PLA2G6: variants seen among roughly 807,000 people sequenced by gnomAD.
The protein encoded by PLA2G6 is phospholipase A2 group VI.
PLA2G6 carries 62 observed loss-of-function variants against 83.8 expected under a neutral mutation model. The observed-to-expected ratio is 0.74, with a 90% CI of 0.60 to 0.91. The LOEUF (loss-of-function observed/expected upper bound fraction) is 0.91, where lower values mean the gene tolerates loss of function less well. Among genes scored for constraint, PLA2G6 ranks in the 40% least tolerant of loss-of-function variants. The probability of loss-of-function intolerance (pLI) is 0.00; values close to 1 mark genes in which losing one functional copy is unlikely to be tolerated. For missense variants in PLA2G6, 944 were observed against 1,102.0 expected (o/e 0.86, Z 2.03); for synonymous variants, 417 against 449.8 (o/e 0.93, Z 0.92).
intron 12 of PLA2G6, among the ~76,000 whole-genome samples, chr22:38,117,755 T>C (rs1223577434): frequency 6.6e-6 from 1 of 151,768 alleles, no homozygotes; most frequent in Non-Finnish European, 1.5e-5. Context: ...AAGCCAGTCA[T>C]GGCCGGGCAC....
chr22:38,160,954 G>A (rs892739982), intron 2 of PLA2G6, among the ~76,000 whole-genome samples: 2 of 152,126 alleles, frequency 1.3e-5, no homozygotes, highest in African/African-American at 2.4e-5. Flanking sequence ...CTCTAGATTC[G>A]AGTGGTGGTT....
At chr22:38,117,108 A>AAGTC (rs71806630) in intron 12 of PLA2G6, among the ~76,000 whole-genome samples, 50,162 of 151,622 alleles carry the variant, frequency 0.33, 8,699 homozygotes, top group South Asian at 0.43. Context: ...ATTCAAAATA[A>AAGTC]ACTATTATAC....
chr22:38,145,880 C>G (rs894656142), intron 2 of PLA2G6: 2 of 547,980 alleles, frequency 3.6e-6, no homozygotes, highest in South Asian at 3.9e-5. Flanking sequence ...GTTAGACTTT[C>G]TTTGTTTTTT....
intron 1 of PLA2G6, among the ~76,000 whole-genome samples, chr22:38,171,168 G>A (rs1260664191): frequency 1.0e-4 from 12 of 117,882 alleles, no homozygotes; most frequent in African/African-American, 2.7e-4. Context: ...GCGAAACTCC[G>A]TCTCAAAAAA....
At chr22:38,162,698 G>A (rs951655445) in intron 2 of PLA2G6, among the ~76,000 whole-genome samples, 3 of 152,118 alleles carry the variant, frequency 2.0e-5, no homozygotes, top group Non-Finnish European at 4.4e-5. Context: ...CCCCAGGCTC[G>A]TAGATACCTA....
chr22:38,124,124 C>T (rs1454276633), intron 10 of PLA2G6, among the ~76,000 whole-genome samples: 3 of 151,988 alleles, frequency 2.0e-5, no homozygotes, highest in Non-Finnish European at 4.4e-5. Flanking sequence ...CACGAGCCAC[C>T]GTGCCCAGCC....
chr22:38,159,950 C>A (rs1371359189), intron 2 of PLA2G6, among the ~76,000 whole-genome samples: 1 of 152,136 alleles, frequency 6.6e-6, no homozygotes, highest in Non-Finnish European at 1.5e-5. Flanking sequence ...AGGCAAAACA[C>A]CGTGTGTGCA....
chr22:38,115,065 C>G (rs564249308), intron 14 of PLA2G6, among the ~76,000 whole-genome samples: 1 of 152,374 alleles, frequency 6.6e-6, no homozygotes, highest in African/African-American at 2.4e-5. Flanking sequence ...CTGCACTGCT[C>G]TGTCCCCAAG....
chr22:38,162,488 T>C (rs983682644), intron 2 of PLA2G6, among the ~76,000 whole-genome samples: 3 of 151,862 alleles, frequency 2.0e-5, no homozygotes, highest in Non-Finnish European at 2.9e-5. Context: ...AAGCACTGTG[T>C]GGGTGGAGGA....
At chr22:38,138,632 A>T (rs997052790) in intron 5 of PLA2G6, 2 of 152,178 alleles carry the variant, frequency 1.3e-5, no homozygotes, top group African/African-American at 4.8e-5. Context: ...CGAAGGACTC[A>T]TTGGCTCATT....
intron 1 of PLA2G6, among the ~76,000 whole-genome samples, chr22:38,173,363 A>C (rs1296107530): frequency 6.6e-6 from 1 of 151,788 alleles, no homozygotes; most frequent in Non-Finnish European, 1.5e-5. Context: ...CAGGATGCCC[A>C]GGTCACCTGA....
chr22:38,127,065 C>T, intron 9 of PLA2G6: 1 of 1,097,634 alleles, frequency 9.1e-7, no homozygotes, highest in Non-Finnish European at 1.1e-6. Context: ...GCCTGACGTC[C>T]ACCCAACTGA....
Position 38,174,192 on chromosome 22 carries a change from T to G in PLA2G6, c.-45-4721A>C, listed in dbSNP as rs375961811. The stretch of plus-strand genomic sequence containing the variant: ...CGGGCGGATCACGAAATCAGGAGAT[T>G]GAGACCATCCTGGCTAACATGGTGA... On this transcript the variant is annotated intron_variant, in intron 1 of 16. Transcript: ENST00000332509. Among the ~76,000 whole-genome samples, 490 of 151,998 alleles carry G rather than the reference T, an allele frequency of 3.2e-3. 1 individual carries two copies. Among genetic ancestry groups the G allele is most frequent in the African/African-American group, 0.011 (470 of 41,462 alleles).
intron 10 of PLA2G6, chr22:38,125,640 C>G (rs373281743): frequency 5.7e-4 from 267 of 469,760 alleles, no homozygotes; most frequent in Middle Eastern, 4.6e-3. Context: ...GACACTCACT[C>G]CGTGTGACCT....
At chr22:38,117,573 C>G (rs963729698) in intron 12 of PLA2G6, among the ~76,000 whole-genome samples, 1 of 152,130 alleles carries the variant, frequency 6.6e-6, no homozygotes. Flanking sequence ...AGAGAGTAGG[C>G]CTCAAACAGG....
At chr22:38,116,716 T>C (rs978531792) in intron 12 of PLA2G6, among the ~76,000 whole-genome samples, 3 of 151,882 alleles carry the variant, frequency 2.0e-5, no homozygotes, top group African/African-American at 7.3e-5. Flanking sequence ...TTAGGTGTGG[T>C]TGCGCATGCC....
At chr22:38,137,490 G>A (rs1281028091) in intron 5 of PLA2G6, 1 of 152,240 alleles carries the variant, frequency 6.6e-6, no homozygotes, top group East Asian at 1.9e-4. Flanking sequence ...AACCATCTGA[G>A]AACCGCAGGC....
chr22:38,129,025 G>A (rs575302762), intron 8 of PLA2G6, among the ~76,000 whole-genome samples: 19 of 152,258 alleles, frequency 1.2e-4, no homozygotes, highest in African/African-American at 4.6e-4. Context: ...CACTGTGCGA[G>A]CGTGCAGCAC....
chr22:38,140,336 C>T, intron 4 of PLA2G6, 167 bp from the exon 5 acceptor site: 2 of 648,962 alleles, frequency 3.1e-6, no homozygotes, highest in South Asian at 1.6e-5. Context: ...GGTGAAATGT[C>T]GTCTCTTCTA....
Sources: gnomAD v4.1 joint callset for allele counts (sites outside exome capture counted in the v4.1 genomes callset) on GRCh38, gnomAD v4.1.1 for gene constraint, MANE v1.5 for transcripts, NCBI Gene and HGNC (gene_info 2026-07-23, HGNC 2026-07-21) for gene names.